The following CCDC50 variants were observed in gnomAD, a reference collection of about 807,000 sequenced individuals.
CCDC50 encodes the protein coiled-coil domain containing 50, also known as coiled-coil domain-containing protein 50.
Under a neutral mutation model 70.2 loss-of-function variants are expected in CCDC50, and 54 were observed. That is an observed-to-expected ratio of 0.77 (90% CI 0.62 to 0.96). The LOEUF is 0.96. Among genes scored for constraint, CCDC50 ranks in the 50% least tolerant of loss-of-function variants. The probability of loss-of-function intolerance (pLI) is 0.00; values close to 1 mark genes in which losing one functional copy is unlikely to be tolerated. For missense variants in CCDC50, 558 were observed against 578.7 expected, an observed-to-expected ratio of 0.96 and a Z score of 0.37; for synonymous variants, 216 against 198.8, an observed-to-expected ratio of 1.09 and a Z score of -0.73.
At chr3:191,389,971 C>G (rs1260219233) in intron 11 of CCDC50, among the ~76,000 whole-genome samples, 1 of 144,866 alleles carries the variant, frequency 6.9e-6, no homozygotes, top group African/African-American at 2.6e-5. Flanking sequence ...AGTGATCCTT[C>G]CATCTCAGCC....
In CCDC50 at chr3:191,396,397, A is replaced by G. The variant is rs928707714; in HGVS notation, c.*4637A>G. ...GGCTGATCTGTAACACAATAAATAC[A>G]TAATTTTATTTCATGTTGTCTGTCC... On this transcript the variant is annotated 3_prime_UTR_variant, in exon 12 of 12. Transcript: ENST00000392455. 5 of 152,212 alleles carry G rather than the reference A, an allele frequency of 3.3e-5. No homozygotes were observed. Among genetic ancestry groups the G allele is most frequent in the African/African-American group, 1.2e-4 (5 of 41,462 alleles). The allele number at this position is 152,212 out of a possible 1,614,324, so 9.4% of individuals were successfully genotyped here. A position where few individuals can be genotyped will look rare whatever the true frequency, so the allele number is the denominator to read the frequency against.
intron 4 of CCDC50, among the ~76,000 whole-genome samples, chr3:191,362,148 G>T (rs1371105936): frequency 1.3e-5 from 2 of 151,728 alleles, no homozygotes; most frequent in Non-Finnish European, 2.9e-5. Flanking sequence ...ATTATTTTTT[G>T]ACAGTGTTTT....
At position 191,394,833 on chromosome 3, in the gene CCDC50, A is replaced by G. The variant is rs1367506909; in HGVS notation, c.*3073A>G. On this transcript the variant is annotated 3_prime_UTR_variant, in exon 12 of 12. Transcript: ENST00000392455. Reference sequence around the variant, plus strand: ...GTTAGACGTAAGTATTTTATTAGACATAAGTATTTTATTTTGGGACTAGAC... The same window carrying G: ...GTTAGACGTAAGTATTTTATTAGACGTAAGTATTTTATTTTGGGACTAGAC... 6.6e-6 allele frequency: 1 copy of G among 152,188 alleles called. No homozygotes were observed. The highest frequency in any genetic ancestry group is 2.4e-5 in the African/African-American group (1 of 41,450). 9.4% of individuals were successfully genotyped at this position (152,188 alleles called of 1,614,324 possible).
rs368509474 is a variant in CCDC50, at chr3:191,382,838, C to G, written c.1322+13C>G. The G allele has an allele frequency of 7.5e-6, 12 of 1,589,434 alleles. No individual in the cohort carries two copies. Among genetic ancestry groups the G allele is most frequent in the Admixed American group, 5.0e-5 (3 of 59,886 alleles). On this transcript the variant is annotated intron_variant, in intron 10 of 11. Transcript: ENST00000392455. ...AAAGGCCAGCACGGTAAGCTGACAC[C>G]TGAAAAGAAAAATGAGGAAGTTGAC...
chr3:191,350,004 A>G (rs1458970929), intron 1 of CCDC50, among the ~76,000 whole-genome samples: 1 of 115,428 alleles, frequency 8.7e-6, no homozygotes, highest in Non-Finnish European at 1.8e-5. Context: ...TACTCTAAGC[A>G]GAAATATCTG....
In CCDC50 at chr3:191,397,560, CA is replaced by C. The variant is rs1265524324; in HGVS notation, c.*5801del. On this transcript the variant is annotated 3_prime_UTR_variant, in exon 12 of 12. Coordinates refer to ENST00000392455, the MANE Select transcript of CCDC50 (RefSeq NM_178335.3). Reference sequence around the variant, plus strand: ...TCCCTAAGAAGAATCCATCCCAGCACATATTTTGAAAAGGTGCTGAATTAAA... The same window carrying C: ...TCCCTAAGAAGAATCCATCCCAGCACTATTTTGAAAAGGTGCTGAATTAAA... 6.6e-6 allele frequency: 1 copy of C among 152,180 alleles called. No individual in the cohort carries two copies. The highest frequency in any genetic ancestry group is 1.5e-5 in the Non-Finnish European group (1 of 68,030). 9.4% of individuals were successfully genotyped at this position (152,180 alleles called of 1,614,324 possible).
rs1712840888 is a variant in CCDC50, at chr3:191,369,964, A to G, written c.376A>G (p.Lys126Glu). ...LQEKELQEEK[K>E]RKKHFPEFPA... Reference sequence around the variant, plus strand: ...AGAAAAGGAGTTACAGGAAGAGAAAAAGAGAAAGAAACACTTTCCAGAGTT... The same window carrying G: ...AGAAAAGGAGTTACAGGAAGAGAAAGAGAGAAAGAAACACTTTCCAGAGTT... Residue 126 changes from lysine to glutamate, a missense_variant, in exon 5 of 12, where the codon AAG (lysine) becomes GAG (glutamate). Physicochemically the swap from Lys to Glu is moderately conservative, Grantham distance 56. Transcript: ENST00000392455. 1 of 1,613,548 alleles carries G rather than the reference A, an allele frequency of 6.2e-7. No homozygotes were observed.
intron 10 of CCDC50, 79 bp downstream of exon 10, chr3:191,382,904 G>A: frequency 9.2e-7 from 1 of 1,083,984 alleles, no homozygotes; most frequent in African/African-American, 1.6e-5. Flanking sequence ...TAAGAAGAGT[G>A]TATGTTTTTT....
At chr3:191,389,853 CTTTTTT>C (rs10635756) in intron 11 of CCDC50, among the ~76,000 whole-genome samples, 1,163 of 84,644 alleles carry the variant, frequency 0.014, 5 homozygotes, top group Middle Eastern at 0.049. Context: ...ATCAAATTCA[CTTTTTT>C]TTTTTTTTTT....
intron 1 of CCDC50, among the ~76,000 whole-genome samples, chr3:191,343,204 C>T (rs1327450350): frequency 6.6e-6 from 1 of 152,122 alleles, no homozygotes; most frequent in Non-Finnish European, 1.5e-5. Context: ...CACGTATACC[C>T]AGGGATGACT....
At position 191,396,459 on chromosome 3, in the gene CCDC50, G is replaced by A. The variant is rs1340720224; in HGVS notation, c.*4699G>A. 2.0e-5 allele frequency: 3 copies of A among 152,180 alleles called. No homozygotes were observed. The highest frequency in any genetic ancestry group is 7.2e-5 in the African/African-American group (3 of 41,438). 9.4% of individuals were successfully genotyped at this position (152,180 alleles called of 1,614,324 possible). A position where few individuals can be genotyped will look rare whatever the true frequency, so the allele number is the denominator to read the frequency against. ...AGCAGTGGCATGACCAAAAAGACTG[G>A]TAGAAGGAGAGAATTTCTTGGCCAA... On this transcript the variant is annotated 3_prime_UTR_variant, in exon 12 of 12. Transcript: ENST00000392455.
At chr3:191,357,472 C>G (rs575202691) in intron 2 of CCDC50, among the ~76,000 whole-genome samples, 1 of 152,292 alleles carries the variant, frequency 6.6e-6, no homozygotes, top group East Asian at 1.9e-4. Context: ...GGAATCTATT[C>G]TTGCTCCTAG....
chr3:191,357,917 A>G, intron 2 of CCDC50, 81 bp from the exon 3 acceptor site: 1 of 1,565,352 alleles, frequency 6.4e-7, no homozygotes, highest in African/African-American at 1.3e-5. Context: ...TTGTTATGGT[A>G]AAGCTCTTAA....
At chr3:191,357,187 C>T in intron 2 of CCDC50, 37 bp downstream of exon 2, 1 of 1,566,332 alleles carries the variant, frequency 6.4e-7, no homozygotes, top group Non-Finnish European at 8.8e-7. Context: ...CTTCAGTTTT[C>T]TTTTTTTAGT....
intron 3 of CCDC50, among the ~76,000 whole-genome samples, chr3:191,358,560 G>A (rs141665000): frequency 6.6e-6 from 1 of 152,128 alleles, no homozygotes; most frequent in Admixed American, 6.6e-5. Context: ...TACTTTCCTT[G>A]CTTTTCAGTA....
chr3:191,395,073 C>A lies in CCDC50; in HGVS notation c.*3313C>A, dbSNP rs1348355757. The A allele has an allele frequency of 6.6e-6, 1 of 152,080 alleles. No homozygotes were observed. The highest frequency in any genetic ancestry group is 1.5e-5 in the Non-Finnish European group (1 of 68,000). 9.4% of individuals were successfully genotyped at this position (152,080 alleles called of 1,614,324 possible). ...TGGATAGATGCTTTTAGGAGGAAAA[C>A]CTTTTTAGAATGGCAATGACCACTT... On this transcript the variant is annotated 3_prime_UTR_variant, in exon 12 of 12. Coordinates refer to ENST00000392455, the MANE Select transcript of CCDC50 (RefSeq NM_178335.3).
At position 191,361,105 on chromosome 3, in the gene CCDC50, G is replaced by T; in HGVS notation, c.276G>T (p.Gln92His). The T allele has an allele frequency of 6.2e-7, 1 of 1,613,864 alleles. No individual in the cohort carries two copies. Among genetic ancestry groups the T allele is most frequent in the Non-Finnish European group, 8.5e-7 (1 of 1,179,814 alleles). ...ACTGTGAAATTGCTCAGGAAATTCA[G>T]GAGAAGCTGGCTATTGAGGCAGAGA... Reference protein sequence around the residue: ...QQDCEIAQEIQEKLAIEAERR... With the variant: ...QQDCEIAQEIHEKLAIEAERR... The change falls in exon 4 of 12, where the codon CAG becomes CAT. Residue 92 changes from glutamine to histidine, a missense_variant. Gln to His is a conservative substitution (Grantham distance 24, BLOSUM62 0). Transcript: ENST00000392455.
At chr3:191,381,019 T>C in intron 9 of CCDC50, 87 bp downstream of exon 9, 2 of 958,052 alleles carry the variant, frequency 2.1e-6, no homozygotes, top group South Asian at 1.5e-5. Flanking sequence ...TCTGCAAATA[T>C]ATTTAGGATA....
At chr3:191,368,970 C>T (rs1576965166) in intron 4 of CCDC50, among the ~76,000 whole-genome samples, 1 of 152,152 alleles carries the variant, frequency 6.6e-6, no homozygotes, top group South Asian at 2.1e-4. Flanking sequence ...CTTATTTTAA[C>T]AGACTCCAGA....
Sources: gnomAD v4.1 joint callset for allele counts (sites outside exome capture counted in the v4.1 genomes callset) on GRCh38, gnomAD v4.1.1 for gene constraint, MANE v1.5 for transcripts, NCBI Gene and HGNC (gene_info 2026-07-23, HGNC 2026-07-21) for gene names.